Variants in ZDHHC1 observed in about 807,000 individuals in gnomAD.
ZDHHC1 encodes the protein palmitoyltransferase ZDHHC1.
ZDHHC1 carries 45 observed loss-of-function variants against 46.9 expected under a neutral mutation model. That is an observed-to-expected ratio of 0.96 (90% confidence interval 0.76 to 1.23). The LOEUF is 1.23. Ranked by LOEUF, ZDHHC1 falls within the 50% of genes most tolerant of loss-of-function variation. The probability of loss-of-function intolerance (pLI) is 0.00; values close to 1 mark genes in which losing one functional copy is unlikely to be tolerated. For missense variants in ZDHHC1, 649 were observed against 670.8 expected, an observed-to-expected ratio of 0.97 and a Z score of 0.36; for synonymous variants, 291 against 286.0, an observed-to-expected ratio of 1.02 and a Z score of -0.18.
At chr16:67,410,397 C>T (rs1486622429) in intron 1 of ZDHHC1, among the ~76,000 whole-genome samples, 2 of 152,138 alleles carry the variant, frequency 1.3e-5, no homozygotes, top group African/African-American at 2.4e-5. Context: ...TCTACTGCCA[C>T]AGAACAAACC....
At chr16:67,399,274 T>TGCCA in intron 5 of ZDHHC1, 81 bp downstream of exon 5, 1 of 1,310,618 alleles carries the variant, frequency 7.6e-7, no homozygotes, top group South Asian at 1.3e-5. Context: ...CCCGCCCGCC[T>TGCCA]GCCATGCGAG....
Position 67,399,439 on chromosome 16 carries a change from T to C in ZDHHC1, c.446A>G (p.His149Arg), listed in dbSNP as rs1181087427. The change falls in exon 5 of 12, where the codon CAC becomes CGC. Residue 149 changes from histidine to arginine, a missense_variant. Transcript: ENST00000565726. ...CACGCACTTGTTGCAGGCGCTGCAGTGCTTGGAGCGAGCGCTCCTGCAGGG... is the reference window on the plus strand; with the variant it reads ...CACGCACTTGTTGCAGGCGCTGCAGCGCTTGGAGCGAGCGCTCCTGCAGGG... ...CNVDVSARSKHCSACNKCVCG... is the reference protein window; with the variant it reads ...CNVDVSARSKRCSACNKCVCG... 12 of 1,612,218 alleles carry C rather than the reference T, an allele frequency of 7.4e-6. No homozygotes were observed. Among genetic ancestry groups the C allele is most frequent in the African/African-American group, 1.3e-5 (1 of 74,894 alleles).
At chr16:67,403,757 G>C (rs1246981296) in intron 3 of ZDHHC1, among the ~76,000 whole-genome samples, 4 of 152,158 alleles carry the variant, frequency 2.6e-5, no homozygotes, top group Non-Finnish European at 5.9e-5. Flanking sequence ...TGGGATTGCA[G>C]GCGTGTGCCA....
chr16:67,399,583 G>A, intron 4 of ZDHHC1, 127 bp from the exon 5 acceptor site: 1 of 690,390 alleles, frequency 1.4e-6, no homozygotes, highest in Non-Finnish European at 2.3e-6. Context: ...CCCGAGCGAG[G>A]CGACGAGGAG....
At position 67,395,513 on chromosome 16, in the gene ZDHHC1, G is replaced by A. The variant is rs1230009896; in HGVS notation, c.981C>T (p.Gly327=). The A allele has an allele frequency of 6.4e-7, 1 of 1,555,146 alleles. No individual in the cohort carries two copies. Among genetic ancestry groups the A allele is most frequent in the South Asian group, 1.2e-5 (1 of 84,256 alleles). ...TFRHMRPEPP[G]QAGPAAVNAN... is the part of the protein sequence containing the mutation. ...CATTCACTGCTGCTGGCCCGGCCTG[G>A]CCAGGGGGCTCTGGGCGCATATGTC... is the stretch of plus-strand genomic sequence containing the variant. Residue 327 remains glycine, a synonymous_variant, in exon 9 of 12, where the codon GGC becomes GGT. Coordinates refer to ENST00000565726, the MANE Select transcript of ZDHHC1 (RefSeq NM_001323627.2).
At chr16:67,397,199 AGC>A (rs1369485506) in intron 8 of ZDHHC1, among the ~76,000 whole-genome samples, 1 of 152,238 alleles carries the variant, frequency 6.6e-6, no homozygotes, top group Non-Finnish European at 1.5e-5. Flanking sequence ...AAGCCTTGGC[AGC>A]GCAGGGCCAA....
chr16:67,398,349 G>C, intron 7 of ZDHHC1, 25 bp from the exon 8 acceptor site: 1 of 1,604,688 alleles, frequency 6.2e-7, no homozygotes, highest in South Asian at 1.1e-5. Context: ...AGAGGGCTCA[G>C]TGCGGTGGAA....
chr16:67,412,187 G>T (rs533830536), intron 1 of ZDHHC1, among the ~76,000 whole-genome samples: 117 of 152,156 alleles, frequency 7.7e-4, no homozygotes, highest in Non-Finnish European at 1.3e-3. Context: ...TCTCCAGAAT[G>T]AAATGCAAGA....
In ZDHHC1 at chr16:67,407,886, T is replaced by TTCTCCTG. The variant is rs1172371236; in HGVS notation, c.-38-80_-38-74dup. The stretch of plus-strand genomic sequence containing the variant: ...TCCACCCTAAGCCATCTGGCCTGCT[T>TTCTCCTG]TCTCCTGCCTTCCATCCATCCAGCC... On this transcript the variant is annotated intron_variant, in intron 1 of 11. Transcript: ENST00000565726. The TTCTCCTG allele has an allele frequency of 1.3e-5, 9 of 717,948 alleles. No individual in the cohort carries two copies. In the African/African-American group the frequency reaches 1.4e-4, roughly 11 times the overall value. The allele number at this position is 717,948 out of a possible 1,614,324, so 44.5% of individuals were successfully genotyped here.
chr16:67,413,938 C>CAAAA (rs974752448), intron 1 of ZDHHC1, among the ~76,000 whole-genome samples: 16 of 61,880 alleles, frequency 2.6e-4, no homozygotes, highest in Non-Finnish European at 4.5e-4. Context: ...GACTCCGTCT[C>CAAAA]AAAAAAAAAA....
At chr16:67,410,669 ATTATTG>A (rs771487121) in intron 1 of ZDHHC1, among the ~76,000 whole-genome samples, 7 of 149,252 alleles carry the variant, frequency 4.7e-5, no homozygotes, top group Non-Finnish European at 7.4e-5. Flanking sequence ...TATTATTATT[ATTATTG>A]TTATTATTTA....
chr16:67,402,264 G>T (rs1311186203), intron 3 of ZDHHC1, among the ~76,000 whole-genome samples: 1 of 152,148 alleles, frequency 6.6e-6, no homozygotes, highest in Non-Finnish European at 1.5e-5. Context: ...GCTTCACATG[G>T]TCTCAGAGTA....
At chr16:67,405,159 G>A (rs1423998905) in intron 3 of ZDHHC1, among the ~76,000 whole-genome samples, 9 of 152,272 alleles carry the variant, frequency 5.9e-5, no homozygotes, top group East Asian at 1.9e-4. Flanking sequence ...TCTAGGGTCC[G>A]CCTCCACATA....
chr16:67,394,687 G>A lies in ZDHHC1; in HGVS notation c.1372C>T (p.Arg458Cys). ...GGGCTCACGAAAACGGCGGGCGCAC[G>A]CGCCTGCCGCGCCAGCGTGGGCTGT... Reference protein sequence around the residue: ...GRQPTLARQARAPAVFVSPSS... With the variant: ...GRQPTLARQACAPAVFVSPSS... Residue 458 changes from arginine (R) to cysteine (C), a missense_variant, in exon 12 of 12, where the codon CGT becomes TGT. By Grantham distance (180) the Arg-to-Cys change is radical. Transcript: ENST00000565726. 2 of 1,260,904 alleles carry A rather than the reference G, an allele frequency of 1.6e-6. No individual in the cohort carries two copies. The highest frequency in any genetic ancestry group is 2.0e-6 in the Non-Finnish European group (2 of 1,007,724). The allele number at this position is 1,260,904 out of a possible 1,614,324, so 78.1% of individuals were successfully genotyped here.
At position 67,406,432 on chromosome 16, in the gene ZDHHC1, C is replaced by T; in HGVS notation, c.20G>A (p.Cys7Tyr). Residue 7 changes from cysteine (C) to tyrosine (Y), a missense_variant, in exon 3 of 12, where the codon TGC becomes TAC. Physicochemically the swap from Cys to Tyr is radical, Grantham distance 194. Transcript: ENST00000565726. The surrounding 1 kb of genome is among the most constrained non-coding windows in gnomAD (Gnocchi z 4.1). MYKMNI[C>Y]NKPSNKTAPE... ...GGCCGTCTTGTTGGAGGGCTTGTTGCAGATGTTCATCTCCAGAGGGAGAAA... is the reference window on the plus strand; with the variant it reads ...GGCCGTCTTGTTGGAGGGCTTGTTGTAGATGTTCATCTCCAGAGGGAGAAA... 1 of 1,542,342 alleles carries T rather than the reference C, an allele frequency of 6.5e-7. No individual in the cohort carries two copies. Among genetic ancestry groups the T allele is most frequent in the Non-Finnish European group, 8.7e-7 (1 of 1,143,106 alleles).
Position 67,416,399 on chromosome 16 carries a change from C to A in ZDHHC1, c.-267G>T. 1 of 215,096 alleles carries A rather than the reference C, an allele frequency of 4.6e-6. No individual in the cohort carries two copies. The highest frequency in any genetic ancestry group is 9.5e-6 in the Non-Finnish European group (1 of 105,294). 13.3% of individuals were successfully genotyped at this position (215,096 alleles called of 1,614,324 possible). A position where few individuals can be genotyped will look rare whatever the true frequency, so the allele number is the denominator to read the frequency against. The stretch of plus-strand genomic sequence containing the variant: ...GCTCTGGCTCCGGCTCCGGCTCCGG[C>A]TCCGGCTCCGGCTCCGGCTCCAGCA... On this transcript the variant is annotated 5_prime_UTR_variant, in exon 1 of 12. Coordinates refer to ENST00000565726, the MANE Select transcript of ZDHHC1 (RefSeq NM_001323627.2).
At chr16:67,409,152 G>C (rs1035960722) in intron 1 of ZDHHC1, among the ~76,000 whole-genome samples, 1 of 152,140 alleles carries the variant, frequency 6.6e-6, no homozygotes, top group Non-Finnish European at 1.5e-5. Context: ...CCTGAGGCAG[G>C]AGGAGTCACC....
intron 1 of ZDHHC1, among the ~76,000 whole-genome samples, chr16:67,414,812 C>T (rs2040806298): frequency 6.6e-6 from 1 of 152,204 alleles, no homozygotes; most frequent in Admixed American, 6.5e-5. Context: ...ACTGACTTCC[C>T]GGTATGTCTG....
chr16:67,404,037 T>C (rs1265505881), intron 3 of ZDHHC1: 3 of 152,292 alleles, frequency 2.0e-5, no homozygotes, highest in Non-Finnish European at 4.4e-5. Context: ...TGAGAGCGTG[T>C]GTGTGGGACC....
Sources: gnomAD v4.1 joint callset for allele counts (sites outside exome capture counted in the v4.1 genomes callset) on GRCh38, gnomAD v4.1.1 for gene constraint, Gnocchi (gnomAD v3.1) non-coding constraint, MANE v1.5 for transcripts, NCBI Gene and HGNC (gene_info 2026-07-23, HGNC 2026-07-21) for gene names.